Variants in CYP3A5 observed in about 807,000 individuals in gnomAD.
CYP3A5 encodes cytochrome P450 3A5.
In CYP3A5, 51 loss-of-function variants were observed where a neutral mutation model predicts 55.9. The observed-to-expected ratio is 0.91, with a 90% confidence interval of 0.73 to 1.15. CYP3A5 has a LOEUF of 1.15. Ranked by LOEUF, CYP3A5 falls within the 50% of genes most tolerant of loss-of-function variation. The pLI is 0.00. For missense variants in CYP3A5, 533 were observed against 596.6 expected (o/e 0.89, Z 1.11); for synonymous variants, 196 against 213.9 (o/e 0.92, Z 0.73).
chr7:99,674,115 C>T (rs1811981219), intron 3 of CYP3A5: 1 of 155,312 alleles, frequency 6.4e-6, no homozygotes, highest in South Asian at 2.1e-4. Context: ...ACAAAAGTGT[C>T]TACAAAAACC....
At chr7:99,676,550 C>A (rs1376393629) in intron 1 of CYP3A5, 14 of 1,359,906 alleles carry the variant, frequency 1.0e-5, no homozygotes, top group Non-Finnish European at 1.4e-5. Flanking sequence ...AGTAAGTGGA[C>A]TCTTCGCTGA....
rs150879623 is a variant in CYP3A5 at position 99,659,971 on chromosome 7, G to A, written c.1026+528C>T. 639 of 154,480 alleles carry A rather than the reference G, an allele frequency of 4.1e-3. 5 individuals are homozygous for A. Among genetic ancestry groups the A allele is most frequent in the African/African-American group, 0.015 (619 of 41,560 alleles). 9.6% of individuals were successfully genotyped at this position (154,480 alleles called of 1,614,324 possible). A position where few individuals can be genotyped will look rare whatever the true frequency, so the allele number is the denominator to read the frequency against. ...TGACCTGATTTTCCAGGTGCTGTCC[G>A]TCACCCCTAGGAAAGGGAATTCCCT... On this transcript the variant is annotated intron_variant, in intron 10 of 12. Transcript: ENST00000222982.
intron 10 of CYP3A5, among the ~76,000 whole-genome samples, chr7:99,656,752 T>C (rs1191253796): frequency 3.3e-5 from 5 of 152,220 alleles, no homozygotes; most frequent in Non-Finnish European, 5.9e-5. Flanking sequence ...ATTGCCTCAA[T>C]TTCAGAACCT....
intron 11 of CYP3A5, chr7:99,652,175 A>T (rs1456599535): frequency 6.7e-6 from 1 of 148,608 alleles, no homozygotes; most frequent in African/African-American, 2.4e-5. Context: ...ATATATATAT[A>T]TTTATATATA....
Position 99,665,208 on chromosome 7 carries a change from ACTT to A in CYP3A5, c.625_627del (p.Lys209del). 1 of 1,613,900 alleles carries A rather than the reference ACTT, an allele frequency of 6.2e-7. No individual in the cohort carries two copies. The highest frequency in any genetic ancestry group is 2.2e-5 in the East Asian group (1 of 44,884). On this transcript the variant is annotated inframe_deletion, in exon 7 of 13. Transcript: ENST00000222982. The stretch of plus-strand genomic sequence containing the variant: ...GGATCTAAGAAACCAAATTTTAGGA[ACTT>A]CTTAGTGCTCTCCACAAAGGGGTCT...
chr7:99,656,082 G>C (rs1039108105), intron 10 of CYP3A5, among the ~76,000 whole-genome samples: 1 of 152,052 alleles, frequency 6.6e-6, no homozygotes, highest in African/African-American at 2.4e-5. Context: ...TCTTTCTCTT[G>C]CCTGATTGCC....
At chr7:99,655,934 C>G (rs113051031) in intron 10 of CYP3A5, among the ~76,000 whole-genome samples, 9,105 of 152,222 alleles carry the variant, frequency 0.06, 553 homozygotes, top group East Asian at 0.25. Context: ...GATTTTGTAT[C>G]CTGATACTTT....
chr7:99,651,191 C>T (rs1168554276), intron 11 of CYP3A5, among the ~76,000 whole-genome samples: 4 of 151,912 alleles, frequency 2.6e-5, no homozygotes. Flanking sequence ...TGGAGATGCA[C>T]GAAAACTATT....
chr7:99,667,118 G>A lies in CYP3A5; in HGVS notation c.319-53C>T, dbSNP rs1177646696. 3 of 1,521,116 alleles carry A rather than the reference G, an allele frequency of 2.0e-6. No individual in the cohort carries two copies. The African/African-American group carries it at 4.1e-5, about 21-fold the overall frequency. The allele number at this position is 1,521,116 out of a possible 1,614,324, so 94.2% of individuals were successfully genotyped here. On this transcript the variant is annotated intron_variant, in intron 4 of 12. Coordinates refer to ENST00000222982, the MANE Select transcript of CYP3A5 (RefSeq NM_000777.5). ...CACATTAGTTGTGGTGATCTTCATG[G>A]TTGCACAAAATATATTGAAGAGGCA...
intron 6 of CYP3A5, 91 bp downstream of exon 6, chr7:99,666,510 G>C: frequency 1.5e-6 from 2 of 1,355,358 alleles, no homozygotes; most frequent in Non-Finnish European, 1.1e-6. Flanking sequence ...CTGGTCACTG[G>C]AGTAACCCAA....
intron 6 of CYP3A5, among the ~76,000 whole-genome samples, chr7:99,666,280 A>G (rs574051995): frequency 6.6e-6 from 1 of 152,342 alleles, no homozygotes; most frequent in South Asian, 2.1e-4. Context: ...CCACAGTTCC[A>G]TATCCACTAC....
At chr7:99,660,214 CTT>C (rs34318418) in intron 10 of CYP3A5, 3,609 of 429,318 alleles carry the variant, frequency 8.4e-3, no homozygotes, top group African/African-American at 0.021. Context: ...CGCCACACTC[CTT>C]TTTTTTTTTT....
chr7:99,658,258 C>T (rs946682359), intron 10 of CYP3A5, among the ~76,000 whole-genome samples: 121 of 152,242 alleles, frequency 7.9e-4, no homozygotes, highest in Non-Finnish European at 1.0e-3. Flanking sequence ...CCTTCAAGAG[C>T]TCTTTTAGGG....
At chr7:99,670,645 C>T (rs914713558) in intron 4 of CYP3A5, among the ~76,000 whole-genome samples, 1 of 152,198 alleles carries the variant, frequency 6.6e-6, no homozygotes, top group Non-Finnish European at 1.5e-5. Flanking sequence ...CTTTACTGGA[C>T]TTTTGTAAGA....
At chr7:99,679,793 G>C (rs1812659926) in intron 1 of CYP3A5, 33 bp downstream of exon 1, 3 of 1,609,440 alleles carry the variant, frequency 1.9e-6, no homozygotes, top group South Asian at 2.2e-5. Context: ...CAAGTCCAAG[G>C]AAACAAAGAG....
chr7:99,669,231 G>A (rs1420859215), intron 4 of CYP3A5, among the ~76,000 whole-genome samples: 2 of 152,120 alleles, frequency 1.3e-5, no homozygotes, highest in Admixed American at 6.5e-5. Context: ...TAATTTCCAC[G>A]GAATTTGTGC....
rs1304051811 is a variant in CYP3A5 at position 99,652,550 on chromosome 7, T to C, written c.1253+3A>G. 1 of 1,598,082 alleles carries C rather than the reference T, an allele frequency of 6.3e-7. No homozygotes were observed. Among genetic ancestry groups the C allele is most frequent in the Admixed American group, 1.7e-5 (1 of 59,258 alleles). On this transcript the variant is annotated splice_donor_region_variant and intron_variant, in intron 11 of 12. Coordinates refer to ENST00000222982, the MANE Select transcript of CYP3A5 (RefSeq NM_000777.5). ...TGAGCTCCATTTCCCTGGAGACTTG[T>C]ACCTTTCAGGGCGGAACTCCTCAGG...
At chr7:99,674,706 TGAAG>T (rs1272500252) in intron 2 of CYP3A5, 121 bp from the exon 3 acceptor site, 1 of 700,210 alleles carries the variant, frequency 1.4e-6, no homozygotes, top group Non-Finnish European at 2.4e-6. Flanking sequence ...CACTGGCAGT[TGAAG>T]GAAGCTATTC....
chr7:99,679,322 C>A (rs1812603431), intron 1 of CYP3A5, among the ~76,000 whole-genome samples: 1 of 152,068 alleles, frequency 6.6e-6, no homozygotes. Context: ...TAAATGATAT[C>A]CTGGGTTGGA....
Sources: allele counts gnomAD v4.1 joint callset (sites outside exome capture counted in the v4.1 genomes callset), GRCh38; gene constraint gnomAD v4.1.1; transcripts MANE v1.5; gene names NCBI Gene and HGNC (gene_info 2026-07-23, HGNC 2026-07-21).